The following FSTL5 variants were observed in gnomAD, a reference collection of about 807,000 sequenced individuals.
FSTL5 encodes the protein follistatin-related protein 5.
In FSTL5, 62 loss-of-function variants were observed where a neutral mutation model predicts 89.1. That is an observed-to-expected ratio of 0.70 (90% confidence interval 0.57 to 0.86). The LOEUF is 0.86. Ranked by LOEUF, FSTL5 falls within the 40% of genes least tolerant of loss-of-function variation. The pLI, the probability that FSTL5 is intolerant of heterozygous loss-of-function variation, is 0.00. For missense variants in FSTL5, 1,057 were observed against 1,001.6 expected (o/e 1.06, Z -0.75); for synonymous variants, 383 against 346.2 (o/e 1.11, Z -1.18).
rs189855798 is a variant in FSTL5 at position 162,080,328 on chromosome 4, G to T, written c.126+30943C>A. Reference sequence around the variant, plus strand: ...TTAATGTGTCTCCTAACACTGATATGAATAATTAAGCCTCATGCTGAAGGG... The same window carrying T: ...TTAATGTGTCTCCTAACACTGATATTAATAATTAAGCCTCATGCTGAAGGG... On this transcript the variant is annotated intron_variant, in intron 2 of 15. Transcript: ENST00000306100. 7.3e-4 allele frequency among the ~76,000 whole-genome samples: 111 copies of T among 151,730 alleles called. 1 individual carries two copies. The highest frequency in any genetic ancestry group is 2.6e-3 in the African/African-American group (109 of 41,496).
intron 7 of FSTL5, among the ~76,000 whole-genome samples, chr4:161,649,666 A>G (rs1578994787): frequency 6.6e-6 from 1 of 152,322 alleles, no homozygotes; most frequent in East Asian, 1.9e-4. Context: ...TTGTCACCAA[A>G]TAGTCATTCT....
chr4:161,871,026 C>T (rs896846934), intron 4 of FSTL5, among the ~76,000 whole-genome samples: 10 of 152,056 alleles, frequency 6.6e-5, no homozygotes, highest in African/African-American at 1.9e-4. Flanking sequence ...GCAGTAAACA[C>T]ATACTACTTT....
At chr4:161,808,609 T>C (rs956023738) in intron 4 of FSTL5, among the ~76,000 whole-genome samples, 1 of 129,574 alleles carries the variant, frequency 7.7e-6, no homozygotes, top group Non-Finnish European at 1.6e-5. Flanking sequence ...TTCTTGCATA[T>C]GACACCAAAA....
chr4:161,735,816 G>T (rs1431859467), intron 6 of FSTL5, among the ~76,000 whole-genome samples: 1 of 152,050 alleles, frequency 6.6e-6, no homozygotes, highest in Non-Finnish European at 1.5e-5. Flanking sequence ...AATGAAGTGA[G>T]ATTTACATGG....
intron 1 of FSTL5, among the ~76,000 whole-genome samples, chr4:162,159,736 C>T (rs1375347439): frequency 6.6e-6 from 1 of 151,906 alleles, no homozygotes; most frequent in East Asian, 1.9e-4. Context: ...ATTTCCAAAT[C>T]CTTTATCAGA....
chr4:162,052,564 A>G (rs2111260609), intron 2 of FSTL5, among the ~76,000 whole-genome samples: 1 of 151,796 alleles, frequency 6.6e-6, no homozygotes, highest in East Asian at 1.9e-4. Context: ...TAAGTTCCCT[A>G]AGGGATCCAG....
intron 4 of FSTL5, among the ~76,000 whole-genome samples, chr4:161,890,902 C>G (rs187114231): frequency 1.7e-4 from 26 of 152,078 alleles, no homozygotes; most frequent in African/African-American, 5.5e-4. Context: ...TTTGATTGAA[C>G]GTTAAAATTA....
chr4:161,429,935 C>G (rs752152463), intron 15 of FSTL5, among the ~76,000 whole-genome samples: 1 of 152,074 alleles, frequency 6.6e-6, no homozygotes, highest in Admixed American at 6.5e-5. Context: ...GAGATGTGAC[C>G]TTTCAGACAC....
intron 7 of FSTL5, among the ~76,000 whole-genome samples, chr4:161,646,048 A>C (rs1736143629): frequency 6.6e-6 from 1 of 151,216 alleles, no homozygotes; most frequent in Admixed American, 6.6e-5. Context: ...TAGCTTTCTA[A>C]AATGTTAAAA....
chr4:161,895,158 A>G (rs1006112972), intron 4 of FSTL5, among the ~76,000 whole-genome samples: 1 of 152,188 alleles, frequency 6.6e-6, no homozygotes. Flanking sequence ...GCAGGAACAC[A>G]ATAACCAGAT....
chr4:161,442,975 G>A (rs935793555), intron 15 of FSTL5, among the ~76,000 whole-genome samples: 1 of 151,968 alleles, frequency 6.6e-6, no homozygotes, highest in Non-Finnish European at 1.5e-5. Flanking sequence ...CTACAGTAAT[G>A]TAATCATAAC....
At chr4:162,000,640 T>A (rs1020869413) in intron 3 of FSTL5, among the ~76,000 whole-genome samples, 1 of 150,744 alleles carries the variant, frequency 6.6e-6, no homozygotes, top group Non-Finnish European at 1.5e-5. Flanking sequence ...AAAATATATA[T>A]ACAAAATGAT....
chr4:161,445,553 A>C (rs1732915876), intron 15 of FSTL5, among the ~76,000 whole-genome samples: 1 of 152,020 alleles, frequency 6.6e-6, no homozygotes, highest in Admixed American at 6.6e-5. Context: ...ATATTACGAT[A>C]GTCCAAAAAT....
intron 7 of FSTL5, among the ~76,000 whole-genome samples, chr4:161,608,888 T>C (rs1307403220): frequency 6.6e-6 from 1 of 152,120 alleles, no homozygotes; most frequent in African/African-American, 2.4e-5. Context: ...CTTTTCCATA[T>C]TGGAGTTTTC....
At chr4:161,522,377 CAT>C (rs1281869002) in intron 10 of FSTL5, among the ~76,000 whole-genome samples, 2 of 152,214 alleles carry the variant, frequency 1.3e-5, no homozygotes, top group South Asian at 2.1e-4. Flanking sequence ...ACTCCACACA[CAT>C]GTTTAATTAC....
intron 15 of FSTL5, among the ~76,000 whole-genome samples, chr4:161,433,016 C>A (rs1216770258): frequency 6.6e-6 from 1 of 151,538 alleles, no homozygotes; most frequent in Non-Finnish European, 1.5e-5. Context: ...GAACTAATAC[C>A]AACCATACTC....
At chr4:161,399,715 T>C (rs116061464) in intron 15 of FSTL5, among the ~76,000 whole-genome samples, 4,653 of 152,262 alleles carry the variant, frequency 0.031, 118 homozygotes, top group Non-Finnish European at 0.05. Context: ...GACTTTTTAC[T>C]GTGATACAAA....
chr4:161,758,267 G>C (rs781726005), intron 6 of FSTL5, among the ~76,000 whole-genome samples: 7 of 151,862 alleles, frequency 4.6e-5, no homozygotes, highest in Non-Finnish European at 1.0e-4. Context: ...ATGGCTAAAA[G>C]TCAGGGGCAT....
chr4:162,122,137 C>T (rs1400718061), intron 1 of FSTL5, among the ~76,000 whole-genome samples: 11 of 151,950 alleles, frequency 7.2e-5, no homozygotes, highest in Non-Finnish European at 1.2e-4. Flanking sequence ...GGGGTTGGCA[C>T]CCTATACCCT....
Sources: allele counts gnomAD v4.1 joint callset (sites outside exome capture counted in the v4.1 genomes callset), GRCh38; gene constraint gnomAD v4.1.1; transcripts MANE v1.5; gene names NCBI Gene and HGNC (gene_info 2026-07-23, HGNC 2026-07-21).